The following SYT10 variants were observed in gnomAD, a reference collection of about 807,000 sequenced individuals.
SYT10 encodes synaptotagmin-10.
Under a neutral mutation model 51.1 loss-of-function variants are expected in SYT10, and 31 were observed. The observed-to-expected ratio is 0.61, with a 90% CI of 0.46 to 0.82. The LOEUF (loss-of-function observed/expected upper bound fraction) is 0.82. SYT10 is among the 40% of genes least tolerant of loss of function. SYT10 has a pLI of 0.00. For missense variants in SYT10, 603 were observed against 634.0 expected (o/e 0.95, Z 0.53); for synonymous variants, 233 against 225.9 (o/e 1.03, Z -0.28).
intron 3 of SYT10, among the ~76,000 whole-genome samples, chr12:33,391,741 A>G (rs1866209389): frequency 6.6e-6 from 1 of 152,196 alleles, no homozygotes; most frequent in South Asian, 2.1e-4. Context: ...AGGTGCCAGA[A>G]AACATACTAC....
intron 3 of SYT10, among the ~76,000 whole-genome samples, chr12:33,388,325 T>C (rs182437606): frequency 3.9e-5 from 6 of 152,238 alleles, no homozygotes; most frequent in Non-Finnish European, 7.4e-5. Context: ...AATAGAGACA[T>C]GTGCACTATC....
intron 2 of SYT10, among the ~76,000 whole-genome samples, chr12:33,421,043 T>G (rs897886487): frequency 6.6e-6 from 1 of 152,188 alleles, no homozygotes; most frequent in Non-Finnish European, 1.5e-5. Flanking sequence ...TAATTTCAAT[T>G]TTTGCTATCT....
intron 2 of SYT10, among the ~76,000 whole-genome samples, chr12:33,421,562 A>T (rs1866505322): frequency 1.3e-5 from 2 of 152,220 alleles, no homozygotes; most frequent in Admixed American, 1.3e-4. Context: ...TTTAAAGATG[A>T]TGTATTTAAA....
In SYT10 at chr12:33,376,817, C is replaced by T; in HGVS notation, c.*13G>A. On this transcript the variant is annotated 3_prime_UTR_variant, in exon 7 of 7. Transcript: ENST00000228567. Reference sequence around the variant, plus strand: ...TCCTAGATGCTTAATATCATGGTCTCATTTTGGAGGCATTATGGTGTGGAA... The same window carrying T: ...TCCTAGATGCTTAATATCATGGTCTTATTTTGGAGGCATTATGGTGTGGAA... The T allele has an allele frequency of 6.2e-7, 1 of 1,613,938 alleles. No individual in the cohort carries two copies. The highest frequency in any genetic ancestry group is 8.5e-7 in the Non-Finnish European group (1 of 1,179,918).
Position 33,426,515 on chromosome 12 carries a change from A to G in SYT10, c.152-20T>C, listed in dbSNP as rs1238139863. On this transcript the variant is annotated intron_variant, in intron 1 of 6. Coordinates refer to ENST00000228567, the MANE Select transcript of SYT10 (RefSeq NM_198992.4). ...AAATATCTGGAAAAATTACAATGTA[A>G]AAATGATTAATTAATATTGTACATA... The G allele has an allele frequency of 1.3e-6, 2 of 1,515,598 alleles. No homozygotes were observed. The highest frequency in any genetic ancestry group is 1.4e-5 in the African/African-American group (1 of 70,726). 93.9% of individuals were successfully genotyped at this position (1,515,598 alleles called of 1,614,324 possible). A position where few individuals can be genotyped will look rare whatever the true frequency, so the allele number is the denominator to read the frequency against.
intron 3 of SYT10, among the ~76,000 whole-genome samples, chr12:33,403,930 T>G (rs577048162): frequency 7.2e-5 from 11 of 152,330 alleles, no homozygotes; most frequent in Non-Finnish European, 1.6e-4. Context: ...ATTATTATGT[T>G]CCCAAACAAA....
rs563264729 is a variant in SYT10, at chr12:33,382,362, T to G, written c.1357A>C (p.Met453Leu). Residue 453 changes from methionine (M) to leucine (L), a missense_variant, in exon 5 of 7, where the codon ATG (methionine) becomes CTG (leucine). Coordinates refer to ENST00000228567, the MANE Select transcript of SYT10 (RefSeq NM_198992.4). ...VDQVSLSIAV[M>L]DYDRVGHNEV... ...AGATACACATACCTATCGTAATCCA[T>G]GACCGCAATGGAGAGGCTGACCTGG... The G allele has an allele frequency of 1.9e-6, 3 of 1,605,428 alleles. No homozygotes were observed. The African/African-American group carries it at 4.0e-5, about 22-fold the overall frequency.
In SYT10 at chr12:33,382,367, G is replaced by T; in HGVS notation, c.1352C>A (p.Ala451Glu). 1 of 1,606,628 alleles carries T rather than the reference G, an allele frequency of 6.2e-7. No homozygotes were observed. Among genetic ancestry groups the T allele is most frequent in the African/African-American group, 1.3e-5 (1 of 74,504 alleles). The change falls in exon 5 of 7, where the codon GCG becomes GAG. Residue 451 changes from alanine to glutamate, a missense_variant. Transcript: ENST00000228567. The part of the protein sequence containing the change: ...ENVDQVSLSI[A>E]VMDYDRVGHN... ...CACATACCTATCGTAATCCATGACC[G>T]CAATGGAGAGGCTGACCTGGTCCAC...
At chr12:33,437,688 T>G (rs528820325) in intron 1 of SYT10, among the ~76,000 whole-genome samples, 3 of 152,176 alleles carry the variant, frequency 2.0e-5, no homozygotes, top group Admixed American at 2.0e-4. Flanking sequence ...TTTCGTCCAG[T>G]GTAGCCCCTT....
chr12:33,423,491 C>T (rs1401274142), intron 2 of SYT10, among the ~76,000 whole-genome samples: 1 of 151,996 alleles, frequency 6.6e-6, no homozygotes, highest in East Asian at 1.9e-4. Flanking sequence ...ATTTCCTCTT[C>T]CTCTCTCTAT....
At chr12:33,438,936 G>C (rs1056124576) in intron 1 of SYT10, among the ~76,000 whole-genome samples, 2 of 152,254 alleles carry the variant, frequency 1.3e-5, no homozygotes, top group Admixed American at 6.5e-5. Flanking sequence ...CCATCAACAA[G>C]GCCGGGACCA....
chr12:33,417,752 G>A (rs1220555192), intron 2 of SYT10, among the ~76,000 whole-genome samples: 1 of 152,218 alleles, frequency 6.6e-6, no homozygotes, highest in Non-Finnish European at 1.5e-5. Context: ...AGCTAGGGCT[G>A]TGGTTTTGCC....
intron 1 of SYT10, among the ~76,000 whole-genome samples, chr12:33,433,294 T>C (rs1271320150): frequency 6.6e-6 from 1 of 152,132 alleles, no homozygotes; most frequent in Non-Finnish European, 1.5e-5. Context: ...CTCAGCTCTT[T>C]TTCAGTCACA....
At chr12:33,434,142 C>T (rs1866618924) in intron 1 of SYT10, among the ~76,000 whole-genome samples, 2 of 152,160 alleles carry the variant, frequency 1.3e-5, no homozygotes, top group African/African-American at 4.8e-5. Flanking sequence ...GATTCTAGAA[C>T]TTGTAGACTC....
In SYT10 at chr12:33,423,985, TTTC is replaced by T. The variant is rs768880861; in HGVS notation, c.509+2150_509+2152del. On this transcript the variant is annotated intron_variant, in intron 2 of 6. Coordinates refer to ENST00000228567, the MANE Select transcript of SYT10 (RefSeq NM_198992.4). ...CAAAATTGCAAGTGCTCAAAATTCTTTTCTTCTTCTTCTTTCCCCAACCACTCA... is the reference window on the plus strand; with the variant it reads ...CAAAATTGCAAGTGCTCAAAATTCTTTTCTTCTTCTTTCCCCAACCACTCA... The T allele has an allele frequency of 2.4e-4, 110 of 454,608 alleles. 1 individual carries two copies. Among genetic ancestry groups the T allele is most frequent in the Non-Finnish European group, 4.2e-4 (95 of 226,034 alleles). The allele number at this position is 454,608 out of a possible 1,614,324, so 28.2% of individuals were successfully genotyped here.
intron 2 of SYT10, among the ~76,000 whole-genome samples, chr12:33,425,636 T>C (rs966836521): frequency 6.6e-6 from 1 of 152,202 alleles, no homozygotes; most frequent in African/African-American, 2.4e-5. Context: ...TTCATGTTTT[T>C]GGTATATGTG....
chr12:33,387,400 G>A (rs995101493), intron 3 of SYT10, among the ~76,000 whole-genome samples: 2 of 152,178 alleles, frequency 1.3e-5, no homozygotes, highest in Admixed American at 1.3e-4. Context: ...AGGAGATAAT[G>A]TAAATAAAGC....
chr12:33,375,414 C>G lies in SYT10; in HGVS notation c.*1416G>C, dbSNP rs1258193920. The G allele has an allele frequency of 2.0e-5, 3 of 151,558 alleles. No homozygotes were observed. Among genetic ancestry groups the G allele is most frequent in the African/African-American group, 7.3e-5 (3 of 41,270 alleles). The allele number at this position is 151,558 out of a possible 1,614,324, so 9.4% of individuals were successfully genotyped here. ...AGGTAAATATGTTTTTATTTTCTTGCCTCTTTTTTTAAAAAAACCACCAAT... is the reference window on the plus strand; with the variant it reads ...AGGTAAATATGTTTTTATTTTCTTGGCTCTTTTTTTAAAAAAACCACCAAT... On this transcript the variant is annotated 3_prime_UTR_variant, in exon 7 of 7. Transcript: ENST00000228567.
chr12:33,392,250 CT>C (rs1804677765), intron 3 of SYT10, among the ~76,000 whole-genome samples: 1 of 152,106 alleles, frequency 6.6e-6, no homozygotes, highest in African/African-American at 2.4e-5. Flanking sequence ...GCTCTTTTTC[CT>C]TACATATCTG....
Sources: gnomAD v4.1 joint callset for allele counts (sites outside exome capture counted in the v4.1 genomes callset) on GRCh38, gnomAD v4.1.1 for gene constraint, MANE v1.5 for transcripts, NCBI Gene and HGNC (gene_info 2026-07-23, HGNC 2026-07-21) for gene names.